The following PAX3 variants were observed in gnomAD, a reference collection of about 807,000 sequenced individuals.
PAX3 encodes paired box 3, also known as paired box protein Pax-3.
A neutral mutation model predicts 51.6 loss-of-function variants in PAX3; 14 were observed. The ratio of observed to expected loss-of-function variants is 0.27; its 90% CI spans 0.18 to 0.42. The LOEUF is 0.42. PAX3 is among the 10% of genes least tolerant of loss of function. The pLI is 1.00. For synonymous variants in PAX3, 280 were observed against 253.4 expected (o/e 1.11, Z -1.00); for missense variants, 540 against 642.8 (o/e 0.84, Z 1.73).
chr2:222,247,215 C>T (rs1193941341), intron 4 of PAX3, among the ~76,000 whole-genome samples: 1 of 152,124 alleles, frequency 6.6e-6, no homozygotes, highest in African/African-American at 2.4e-5. Flanking sequence ...ATATTTTCTT[C>T]TTTCTGATAG....
intron 4 of PAX3, among the ~76,000 whole-genome samples, chr2:222,271,758 T>G (rs1694259914): frequency 6.6e-6 from 1 of 152,122 alleles, no homozygotes; most frequent in Non-Finnish European, 1.5e-5. Context: ...CAAGTAAAAT[T>G]TATATTCCCA....
intron 5 of PAX3, among the ~76,000 whole-genome samples, chr2:222,229,064 A>G (rs1005319501): frequency 6.6e-6 from 1 of 152,144 alleles, no homozygotes; most frequent in Non-Finnish European, 1.5e-5. Flanking sequence ...TGGACCTCAC[A>G]TAACATTTGC....
In PAX3 at chr2:222,199,896, A is replaced by G. The variant is rs45594333; in HGVS notation, c.*1512T>C. ...AAAAAGCAGTAGTGGGCAAGTTTTC[A>G]TAACTGTTTATTCATTATAAATAGT... On this transcript the variant is annotated 3_prime_UTR_variant, in exon 9 of 9. Coordinates refer to ENST00000392070, the MANE Select transcript of PAX3 (RefSeq NM_181458.4). 1.1e-5 allele frequency: 2 copies of G among 179,850 alleles called. No individual in the cohort carries two copies. The highest frequency in any genetic ancestry group is 2.4e-5 in the Non-Finnish European group (2 of 83,758). The allele number at this position is 179,850 out of a possible 1,614,324, so 11.1% of individuals were successfully genotyped here.
intron 5 of PAX3, among the ~76,000 whole-genome samples, chr2:222,229,959 G>A (rs1233094376): frequency 6.6e-6 from 1 of 152,040 alleles, no homozygotes; most frequent in Non-Finnish European, 1.5e-5. Context: ...CAAGGCAAGT[G>A]GATCGCTTGC....
intron 7 of PAX3, among the ~76,000 whole-genome samples, chr2:222,204,743 G>T (rs1388117618): frequency 1.3e-5 from 2 of 152,096 alleles, no homozygotes; most frequent in Admixed American, 1.3e-4. Context: ...GTCCAGAGAG[G>T]AAAGATATCC....
intron 5 of PAX3, 38 bp from the exon 6 acceptor site, chr2:222,221,425 G>A: frequency 1.3e-6 from 2 of 1,555,608 alleles, no homozygotes; most frequent in East Asian, 2.2e-5. Flanking sequence ...TTTCACTGAT[G>A]AAATAATAGT....
At position 222,201,420 on chromosome 2, in the gene PAX3, T is replaced by C; in HGVS notation, c.1443A>G (p.Pro481=). 3 of 1,614,008 alleles carry C rather than the reference T, an allele frequency of 1.9e-6. No homozygotes were observed. The highest frequency in any genetic ancestry group is 2.2e-5 in the South Asian group (2 of 91,068). ...GTGGACAGTTCACTTACGCGATATC[T>C]GGCTTGAGATAATGAAAGGCACCTG... ...YGQSAFHYLK[P]DIA The change falls in exon 9 of 9, where the codon CCA becomes CCG. Residue 481 remains proline, a synonymous_variant. Coordinates refer to ENST00000392070, the MANE Select transcript of PAX3 (RefSeq NM_181458.4).
intron 4 of PAX3, among the ~76,000 whole-genome samples, chr2:222,275,307 T>A (rs1458939231): frequency 6.6e-6 from 1 of 152,192 alleles, no homozygotes; most frequent in South Asian, 2.1e-4. Context: ...CAATATTTGC[T>A]TACATGTGTT....
intron 6 of PAX3, among the ~76,000 whole-genome samples, chr2:222,220,638 G>A (rs1189845062): frequency 6.6e-6 from 1 of 152,106 alleles, no homozygotes; most frequent in Non-Finnish European, 1.5e-5. Context: ...GCATATTTTG[G>A]TAGTGAATGT....
At chr2:222,225,054 G>T (rs939923690) in intron 5 of PAX3, among the ~76,000 whole-genome samples, 1 of 152,114 alleles carries the variant, frequency 6.6e-6, no homozygotes, top group South Asian at 2.1e-4. Flanking sequence ...AGATTACCTG[G>T]CCTTCCGCAT....
intron 4 of PAX3, chr2:222,264,789 C>A (rs1215757583): frequency 2.0e-5 from 3 of 152,228 alleles, no homozygotes; most frequent in African/African-American, 4.8e-5. Context: ...TGGTCACTCG[C>A]AGCTTTTGCC....
At chr2:222,256,191 C>T (rs1430659) in intron 4 of PAX3, among the ~76,000 whole-genome samples, 17,638 of 152,044 alleles carry the variant, frequency 0.12, 1,256 homozygotes, top group East Asian at 0.32. Flanking sequence ...CTATTTGGAA[C>T]GTGCCAGAAT....
chr2:222,274,768 C>T (rs1405980212), intron 4 of PAX3, among the ~76,000 whole-genome samples: 2 of 152,144 alleles, frequency 1.3e-5, no homozygotes, highest in African/African-American at 4.8e-5. Context: ...GAGTACTGCT[C>T]ACCACCCCAA....
chr2:222,201,589 C>T (rs1053592094), intron 8 of PAX3, 147 bp from the exon 9 acceptor site: 84 of 1,333,246 alleles, frequency 6.3e-5, no homozygotes, highest in Non-Finnish European at 8.6e-5. Flanking sequence ...ACAAGTTTGA[C>T]ACAACTTTGT....
chr2:222,219,124 C>G (rs1434843070), intron 7 of PAX3, among the ~76,000 whole-genome samples: 1 of 152,162 alleles, frequency 6.6e-6, no homozygotes, highest in African/African-American at 2.4e-5. Flanking sequence ...AGAATGCCCT[C>G]TTGGTGCTTA....
At chr2:222,292,266 G>A (rs1695070938) in intron 4 of PAX3, among the ~76,000 whole-genome samples, 1 of 152,102 alleles carries the variant, frequency 6.6e-6, no homozygotes, top group African/African-American at 2.4e-5. Context: ...TTGTGGTGCT[G>A]TTTTCTCTTC....
chr2:222,244,886 G>A (rs1268750533), intron 4 of PAX3, among the ~76,000 whole-genome samples: 1 of 152,120 alleles, frequency 6.6e-6, no homozygotes, highest in African/African-American at 2.4e-5. Context: ...GGTGGTGCAT[G>A]CCTGTAATCC....
At chr2:222,291,434 C>T (rs1407972298) in intron 4 of PAX3, among the ~76,000 whole-genome samples, 2 of 152,194 alleles carry the variant, frequency 1.3e-5, no homozygotes, top group East Asian at 3.9e-4. Flanking sequence ...GCACCGCTAG[C>T]GGCTCAGCTC....
intron 4 of PAX3, among the ~76,000 whole-genome samples, chr2:222,267,722 T>C (rs927090345): frequency 2.6e-5 from 4 of 152,208 alleles, no homozygotes; most frequent in African/African-American, 9.6e-5. Context: ...GTCTCTGAGA[T>C]AGTGACACCC....
Sources: gnomAD v4.1 joint callset for allele counts (sites outside exome capture counted in the v4.1 genomes callset) on GRCh38, gnomAD v4.1.1 for gene constraint, MANE v1.5 for transcripts, NCBI Gene and HGNC (gene_info 2026-07-23, HGNC 2026-07-21) for gene names.